RBFOX1: variants seen among roughly 807,000 people sequenced by gnomAD.
The protein encoded by RBFOX1 is RNA binding protein fox-1 homolog 1.
RBFOX1 carries 8 observed loss-of-function variants against 57.7 expected under a neutral mutation model. The ratio of observed to expected loss-of-function variants is 0.14; its 90% CI spans 0.08 to 0.25. The LOEUF (loss-of-function observed/expected upper bound fraction) is 0.25. Ranked by LOEUF, RBFOX1 falls within the 10% of genes least tolerant of loss-of-function variation. The pLI is 1.00. For missense variants in RBFOX1, 611 were observed against 548.5 expected (o/e 1.11, Z -1.14); for synonymous variants, 326 against 222.4 (o/e 1.47, Z -4.15).
At chr16:6,914,305 G>A (rs759791294) in intron 3 of RBFOX1, among the ~76,000 whole-genome samples, 9 of 152,146 alleles carry the variant, frequency 5.9e-5, no homozygotes, top group Non-Finnish European at 8.8e-5. Flanking sequence ...CGGGCTAGGA[G>A]GGACCTTAGT....
At chr16:6,107,794 T>C (rs1294272190) in intron 1 of RBFOX1, among the ~76,000 whole-genome samples, 2 of 151,936 alleles carry the variant, frequency 1.3e-5, no homozygotes, top group Admixed American at 6.6e-5. Flanking sequence ...GGTGGATGAA[T>C]AGCAATTTCT....
rs144805098 is a variant in RBFOX1, at chr16:6,755,866, G to T, written c.-16+101216G>T. On this transcript the variant is annotated intron_variant, in intron 3 of 15. Coordinates refer to ENST00000550418, the MANE Select transcript of RBFOX1 (RefSeq NM_018723.4). ...TTCAGAGCTGCCAAAAGGTGAAATTGACTTTTTGAGAATGTATTGCTGAAA... is the reference window on the plus strand; with the variant it reads ...TTCAGAGCTGCCAAAAGGTGAAATTTACTTTTTGAGAATGTATTGCTGAAA... Among the ~76,000 whole-genome samples, 623 of 152,172 alleles carry T rather than the reference G, an allele frequency of 4.1e-3. 4 individuals are homozygous for T. The highest frequency in any genetic ancestry group is 0.014 in the African/African-American group (581 of 41,522).
At chr16:7,254,661 G>C (rs1011436608) in intron 4 of RBFOX1, among the ~76,000 whole-genome samples, 2 of 151,906 alleles carry the variant, frequency 1.3e-5, no homozygotes, top group African/African-American at 4.8e-5. Context: ...TCTGATTGGA[G>C]GTGAAAGCCA....
rs143807806 is a variant in RBFOX1 at position 5,520,505 on chromosome 16, C to G, written c.258+53251C>G. Among the ~76,000 whole-genome samples the G allele has an allele frequency of 2.6e-5, 4 of 152,294 alleles. No individual in the cohort carries two copies. The South Asian group carries it at 6.2e-4, about 24-fold the overall frequency. ...TGGAAATGAAACTGTTCTGGGGTTT[C>G]TGGGAAAACATTTTCACAATTCTCT... On this transcript the variant is annotated intron_variant, in intron 2 of 2. Coordinates refer to the RBFOX1 transcript ENST00000585867.
intron 2 of RBFOX1, among the ~76,000 whole-genome samples, chr16:6,504,995 C>T (rs2096053437): frequency 6.6e-6 from 1 of 152,062 alleles, no homozygotes; most frequent in South Asian, 2.1e-4. Flanking sequence ...ATCGCTTGAA[C>T]CCAGGAGGCA....
chr16:6,233,862 A>C (rs2097484963), intron 1 of RBFOX1, among the ~76,000 whole-genome samples: 1 of 152,088 alleles, frequency 6.6e-6, no homozygotes. Flanking sequence ...CCATTTTATT[A>C]CCCCTGTCTT....
chr16:6,510,808 T>C (rs1274741293), intron 2 of RBFOX1, among the ~76,000 whole-genome samples: 1 of 151,660 alleles, frequency 6.6e-6, no homozygotes, highest in Non-Finnish European at 1.5e-5. Flanking sequence ...CTGCTAAAGG[T>C]TTTTGTCATT....
At chr16:6,982,462 T>G (rs932464847) in intron 3 of RBFOX1, among the ~76,000 whole-genome samples, 3 of 152,166 alleles carry the variant, frequency 2.0e-5, no homozygotes, top group African/African-American at 7.2e-5. Context: ...AGCGAGCTCC[T>G]TCTCATTCGT....
intron 2 of RBFOX1, among the ~76,000 whole-genome samples, chr16:6,588,269 C>G (rs4238870): frequency 0.35 from 53,044 of 151,528 alleles, 10,879 homozygotes; most frequent in Middle Eastern, 0.5. Context: ...TATACAGCCA[C>G]AAAACAATTC....
At chr16:6,281,149 G>T (rs2152698739) in intron 1 of RBFOX1, among the ~76,000 whole-genome samples, 1 of 152,124 alleles carries the variant, frequency 6.6e-6, no homozygotes, top group African/African-American at 2.4e-5. Flanking sequence ...TGAGCAGATG[G>T]TGGGGGATGT....
At chr16:5,332,588 A>G (rs2064784934) in intron 1 of RBFOX1, among the ~76,000 whole-genome samples, 1 of 151,214 alleles carries the variant, frequency 6.6e-6, no homozygotes, top group Non-Finnish European at 1.5e-5. Context: ...AAGTCAGAAA[A>G]CCTTTTAAGA....
At chr16:6,878,932 C>G (rs1485950774) in intron 3 of RBFOX1, among the ~76,000 whole-genome samples, 1 of 151,876 alleles carries the variant, frequency 6.6e-6, no homozygotes, top group African/African-American at 2.4e-5. Context: ...GATTTTTTTT[C>G]CCCTATGTTA....
At chr16:6,836,903 G>A (rs925278165) in intron 3 of RBFOX1, among the ~76,000 whole-genome samples, 3 of 152,246 alleles carry the variant, frequency 2.0e-5, no homozygotes, top group South Asian at 4.2e-4. Flanking sequence ...TTGAATCAGC[G>A]TTGCCAAGCA....
intron 14 of RBFOX1, among the ~76,000 whole-genome samples, chr16:7,704,363 T>G (rs1426344101): frequency 6.6e-6 from 1 of 152,202 alleles, no homozygotes; most frequent in Non-Finnish European, 1.5e-5. Context: ...GCCAGTGTTT[T>G]GCAAACTCAC....
intron 1 of RBFOX1, among the ~76,000 whole-genome samples, chr16:5,450,403 C>G (rs753935090): frequency 1.3e-5 from 2 of 152,182 alleles, no homozygotes; most frequent in East Asian, 3.9e-4. Flanking sequence ...TGGGCACATG[C>G]AGACCACAGG....
At chr16:7,059,578 T>G (rs1426412195) in intron 4 of RBFOX1, among the ~76,000 whole-genome samples, 2 of 152,106 alleles carry the variant, frequency 1.3e-5, no homozygotes, top group African/African-American at 4.8e-5. Flanking sequence ...CTGATGAATA[T>G]GAGAAACAAG....
chr16:6,203,213 A>G (rs1006441304), intron 1 of RBFOX1, among the ~76,000 whole-genome samples: 1 of 152,238 alleles, frequency 6.6e-6, no homozygotes, highest in East Asian at 1.9e-4. Context: ...TTATTGCATT[A>G]CTGGAGCTTT....
intron 4 of RBFOX1, among the ~76,000 whole-genome samples, chr16:7,066,546 G>C (rs1169254052): frequency 2.6e-5 from 4 of 151,156 alleles, no homozygotes; most frequent in African/African-American, 9.7e-5. Context: ...TATGTGCAAA[G>C]TTTTAGGTGC....
chr16:6,824,333 G>A (rs1190209327), intron 3 of RBFOX1, among the ~76,000 whole-genome samples: 3 of 152,152 alleles, frequency 2.0e-5, no homozygotes, highest in Non-Finnish European at 4.4e-5. Flanking sequence ...TTGAACCAGA[G>A]AGGCACAGGT....
Sources: allele counts gnomAD v4.1 joint callset (sites outside exome capture counted in the v4.1 genomes callset), GRCh38; gene constraint gnomAD v4.1.1; transcripts MANE v1.5; gene names NCBI Gene and HGNC (gene_info 2026-07-23, HGNC 2026-07-21).